Variants in PPP6R2 observed in about 807,000 individuals in gnomAD.
PPP6R2 encodes the protein protein phosphatase 6 regulatory subunit 2.
A neutral mutation model predicts 100.2 loss-of-function variants in PPP6R2; 62 were observed. The observed-to-expected ratio is 0.62, with a 90% CI of 0.50 to 0.76. PPP6R2 has a LOEUF of 0.76. Ranked by LOEUF, PPP6R2 falls within the 30% of genes least tolerant of loss-of-function variation. The pLI, the probability that PPP6R2 is intolerant of heterozygous loss-of-function variation, is 0.00. For synonymous variants in PPP6R2, 525 were observed against 514.7 expected (o/e 1.02, Z -0.27); for missense variants, 1,142 against 1,276.3 (o/e 0.89, Z 1.60).
At chr22:50,435,385 C>T (rs1603405944) in intron 13 of PPP6R2, among the ~76,000 whole-genome samples, 4 of 152,348 alleles carry the variant, frequency 2.6e-5, no homozygotes, top group East Asian at 3.9e-4. Flanking sequence ...AAGCCGTTAG[C>T]GCCACCGGGC....
At position 50,423,044 on chromosome 22, in the gene PPP6R2, G is replaced by A. The variant is rs2061546117; in HGVS notation, c.973-418G>A. On this transcript the variant is annotated intron_variant, in intron 9 of 23. Transcript: ENST00000612753. The surrounding 1 kb of genome is among the most constrained non-coding windows in gnomAD (Gnocchi z 4.8). ...GCATTCCCGTCAGTGTCCCCAAAGTGTGTTCATGGGACACTTGTTAGCTTG... is the reference window on the plus strand; with the variant it reads ...GCATTCCCGTCAGTGTCCCCAAAGTATGTTCATGGGACACTTGTTAGCTTG... 6.6e-6 allele frequency among the ~76,000 whole-genome samples: 1 copy of A among 152,196 alleles called. No individual in the cohort carries two copies. Among genetic ancestry groups the A allele is most frequent in the African/African-American group, 2.4e-5 (1 of 41,444 alleles).
upstream of PPP6R2, among the ~76,000 whole-genome samples, chr22:50,340,262 G>C (rs1413330870): frequency 1.4e-5 from 2 of 141,870 alleles, 1 homozygote; most frequent in Non-Finnish European, 3.1e-5. Context: ...TGGAGGGTGT[G>C]TGTGGTGTGT....
chr22:50,373,740 G>GT lies in PPP6R2; in HGVS notation c.-17+1599dup, dbSNP rs201026631. 9.6e-3 allele frequency among the ~76,000 whole-genome samples: 1,426 copies of GT among 148,254 alleles called. 14 individuals are homozygous for GT. Among genetic ancestry groups the GT allele is most frequent in the African/African-American group, 0.032 (1,280 of 40,340 alleles). On this transcript the variant is annotated intron_variant, in intron 2 of 23. Coordinates refer to ENST00000612753, the MANE Select transcript of PPP6R2 (RefSeq NM_001242898.2). ...TTTATTTATTTATATATTTTTATGT[G>GT]TTTTTTTTTGTGAGACAGAGTCTTG...
the PPP6R2 span, among the ~76,000 whole-genome samples, chr22:50,337,604 G>A: frequency 1.1e-5 from 1 of 91,672 alleles, no homozygotes; most frequent in Non-Finnish European, 1.9e-5. Context: ...GGTGTGTTGG[G>A]GGTGTGTGTG....
intron 2 of PPP6R2, among the ~76,000 whole-genome samples, chr22:50,384,948 A>T (rs903618036): frequency 8.5e-5 from 13 of 152,168 alleles, no homozygotes; most frequent in East Asian, 3.9e-4. Flanking sequence ...GGGTCTTGCC[A>T]TGTCTAGCAG....
In PPP6R2 at chr22:50,416,121, G is replaced by A. The variant is rs762184731; in HGVS notation, c.582G>A (p.Arg194=). The part of the protein sequence containing the change: ...HWLNEEKVIQ[R]LVELIHPSQD... ...TGAATGAAGAGAAGGTCATCCAGAGGCTTGTGGAGTTGATCCACCCGAGCC... is the reference window on the plus strand; with the variant it reads ...TGAATGAAGAGAAGGTCATCCAGAGACTTGTGGAGTTGATCCACCCGAGCC... The change falls in exon 6 of 24, where the codon AGG becomes AGA. Residue 194 remains arginine, a synonymous_variant. Transcript: ENST00000612753. The A allele has an allele frequency of 5.6e-6, 9 of 1,613,750 alleles. No homozygotes were observed. The Admixed American group carries it at 1.2e-4, about 21-fold the overall frequency.
chr22:50,419,859 C>T (rs564125762), intron 8 of PPP6R2, among the ~76,000 whole-genome samples: 4 of 152,368 alleles, frequency 2.6e-5, no homozygotes, highest in African/African-American at 7.2e-5. Context: ...ATCTCCCATG[C>T]AGACTGGCCC....
chr22:50,370,920 C>T (rs547844926), intron 1 of PPP6R2, among the ~76,000 whole-genome samples: 2 of 150,390 alleles, frequency 1.3e-5, no homozygotes, highest in African/African-American at 2.5e-5. Flanking sequence ...GCGTGAGCCA[C>T]TGCCCCCAGC....
chr22:50,363,611 G>T (rs761910679), intron 1 of PPP6R2, among the ~76,000 whole-genome samples: 2 of 152,214 alleles, frequency 1.3e-5, no homozygotes, highest in African/African-American at 4.8e-5. Context: ...CCTGCAGAAT[G>T]GAGAAGCCAG....
At chr22:50,394,838 C>T (rs1021100570) in intron 3 of PPP6R2, among the ~76,000 whole-genome samples, 8 of 140,660 alleles carry the variant, frequency 5.7e-5, no homozygotes, top group Non-Finnish European at 9.1e-5. Flanking sequence ...GGTGTGAACC[C>T]GGGAGGTGGA....
chr22:50,422,479 G>T, intron 9 of PPP6R2, 99 bp downstream of exon 9: 1 of 1,492,140 alleles, frequency 6.7e-7, no homozygotes, highest in Non-Finnish European at 9.1e-7. Context: ...AGGTAGCAGA[G>T]TGTGGAGTGA....
At chr22:50,419,055 G>T (rs1346113480) in intron 7 of PPP6R2, 76 bp downstream of exon 7, 1 of 1,204,784 alleles carries the variant, frequency 8.3e-7, no homozygotes. Flanking sequence ...CTTGCTCTGA[G>T]CACCAGGATA....
chr22:50,444,478 C>T lies in PPP6R2; in HGVS notation c.*231C>T. ...GCTGGAGGACAGAGGGGCACCTCAGCCGCCCCCAAGCCCAGAGCACAGCAA... is the reference window on the plus strand; with the variant it reads ...GCTGGAGGACAGAGGGGCACCTCAGTCGCCCCCAAGCCCAGAGCACAGCAA... On this transcript the variant is annotated 3_prime_UTR_variant, in exon 24 of 24. Transcript: ENST00000612753. The T allele has an allele frequency of 1.8e-6, 1 of 559,152 alleles. No homozygotes were observed. 34.6% of individuals were successfully genotyped at this position (559,152 alleles called of 1,614,324 possible).
At chr22:50,374,559 TA>T (rs2051009979) in intron 2 of PPP6R2, among the ~76,000 whole-genome samples, 1 of 152,022 alleles carries the variant, frequency 6.6e-6, no homozygotes, top group Non-Finnish European at 1.5e-5. Flanking sequence ...TTTCAGAAAC[TA>T]ATAAAAGACC....
chr22:50,404,828 C>T (rs778382711), intron 3 of PPP6R2, among the ~76,000 whole-genome samples: 44 of 152,234 alleles, frequency 2.9e-4, no homozygotes, highest in Middle Eastern at 3.4e-3. Flanking sequence ...ACAGCCATTC[C>T]TACAGGACGC....
intron 3 of PPP6R2, among the ~76,000 whole-genome samples, chr22:50,405,324 A>AGGGGCCTG: frequency 6.9e-6 from 1 of 145,524 alleles, no homozygotes; most frequent in Non-Finnish European, 1.5e-5. Context: ...GAGAGAGGTG[A>AGGGGCCTG]GAGGCCTGGC....
chr22:50,391,874 C>T (rs2055644732), intron 2 of PPP6R2: 1 of 151,154 alleles, frequency 6.6e-6, no homozygotes, highest in Non-Finnish European at 1.5e-5. Context: ...CAGGCTTCCA[C>T]CTTCTCTGTG....
chr22:50,397,252 A>G (rs999260223), intron 3 of PPP6R2, among the ~76,000 whole-genome samples: 10 of 152,000 alleles, frequency 6.6e-5, no homozygotes, highest in Non-Finnish European at 1.5e-5. Flanking sequence ...GGAGAGCAAG[A>G]GGACTAGGGG....
At chr22:50,394,446 TA>T (rs1158595116) in intron 3 of PPP6R2, among the ~76,000 whole-genome samples, 3 of 142,342 alleles carry the variant, frequency 2.1e-5, no homozygotes, top group East Asian at 2.1e-4. Context: ...TTTTTTTTTT[TA>T]AATTAGCCAG....
Sources: allele counts gnomAD v4.1 joint callset (sites outside exome capture counted in the v4.1 genomes callset), GRCh38; gene constraint gnomAD v4.1.1; non-coding constraint Gnocchi (gnomAD v3.1); transcripts MANE v1.5; gene names NCBI Gene and HGNC (gene_info 2026-07-23, HGNC 2026-07-21).